Variants in RAB22A observed in about 807,000 individuals in gnomAD.
RAB22A encodes the protein ras-related protein Rab-22A.
RAB22A carries 13 observed loss-of-function variants against 30.2 expected under a neutral mutation model. The observed-to-expected ratio is 0.43, with a 90% CI of 0.28 to 0.68. The LOEUF (loss-of-function observed/expected upper bound fraction) is 0.68. RAB22A is among the 30% of genes least tolerant of loss of function. The pLI, the probability that RAB22A is intolerant of heterozygous loss-of-function variation, is 0.18. For missense variants in RAB22A, 177 were observed against 246.8 expected (o/e 0.72, Z 1.89); for synonymous variants, 89 against 87.2 (o/e 1.02, Z -0.11).
chr20:58,316,796 G>T (rs1261071060), intron 2 of RAB22A, among the ~76,000 whole-genome samples: 1 of 152,122 alleles, frequency 6.6e-6, no homozygotes, highest in African/African-American at 2.4e-5. Flanking sequence ...CAGAGGCTTG[G>T]ATCTCTCCTC....
In RAB22A at chr20:58,365,113, G is replaced by T. The variant is rs1305977866; in HGVS notation, c.*5410G>T. 1 of 152,134 alleles carries T rather than the reference G, an allele frequency of 6.6e-6. No homozygotes were observed. Among genetic ancestry groups the T allele is most frequent in the Non-Finnish European group, 1.5e-5 (1 of 68,038 alleles). 9.4% of individuals were successfully genotyped at this position (152,134 alleles called of 1,614,324 possible). A position where few individuals can be genotyped will look rare whatever the true frequency, so the allele number is the denominator to read the frequency against. On this transcript the variant is annotated 3_prime_UTR_variant, in exon 7 of 7. Transcript: ENST00000244040. ...ATTAATATTATAACAAACAAAACAT[G>T]CCAGTTTTACTGATTCCGCTTTTTG...
intron 5 of RAB22A, 81 bp downstream of exon 5, chr20:58,353,619 C>T: frequency 8.4e-7 from 1 of 1,193,628 alleles, no homozygotes; most frequent in Non-Finnish European, 1.2e-6. Flanking sequence ...AAGAATCTTG[C>T]TTTTATTTTA....
At chr20:58,356,644 A>G (rs944588819) in intron 6 of RAB22A, among the ~76,000 whole-genome samples, 1 of 152,196 alleles carries the variant, frequency 6.6e-6, no homozygotes, top group Non-Finnish European at 1.5e-5. Flanking sequence ...CCTACACCCA[A>G]CGGTAACCAT....
At chr20:58,311,366 TAGAAC>T (rs768558859) in intron 2 of RAB22A, among the ~76,000 whole-genome samples, 2 of 152,164 alleles carry the variant, frequency 1.3e-5, no homozygotes, top group South Asian at 2.1e-4. Context: ...TACTAATTAT[TAGAAC>T]AGACACAGAA....
intron 3 of RAB22A, among the ~76,000 whole-genome samples, chr20:58,352,836 A>G (rs185963141): frequency 3.3e-5 from 5 of 152,374 alleles, no homozygotes; most frequent in Non-Finnish European, 7.3e-5. Context: ...CTGAAGGACA[A>G]TCAGTGTTCA....
chr20:58,326,767 ATGT>A (rs1432036575), intron 2 of RAB22A, among the ~76,000 whole-genome samples: 1 of 152,132 alleles, frequency 6.6e-6, no homozygotes, highest in Non-Finnish European at 1.5e-5. Flanking sequence ...ATACACAATC[ATGT>A]TGTATGAAAA....
chr20:58,348,580 T>G (rs1986990080), intron 3 of RAB22A, among the ~76,000 whole-genome samples: 1 of 152,296 alleles, frequency 6.6e-6, no homozygotes, highest in Non-Finnish European at 1.5e-5. Flanking sequence ...GATCCCATTA[T>G]TAGAATTTGC....
At chr20:58,343,011 C>G (rs558915680) in intron 2 of RAB22A, among the ~76,000 whole-genome samples, 3 of 152,202 alleles carry the variant, frequency 2.0e-5, no homozygotes, top group Non-Finnish European at 4.4e-5. Context: ...TCAGAGTGCC[C>G]TGGGCAGAGT....
At chr20:58,350,629 A>G (rs1183492219) in intron 3 of RAB22A, among the ~76,000 whole-genome samples, 1 of 152,252 alleles carries the variant, frequency 6.6e-6, no homozygotes, top group African/African-American at 2.4e-5. Flanking sequence ...AAGCCAGAGG[A>G]ACAGGATCTT....
chr20:58,318,220 A>G (rs1404062078), intron 2 of RAB22A, among the ~76,000 whole-genome samples: 1 of 152,254 alleles, frequency 6.6e-6, no homozygotes, highest in African/African-American at 2.4e-5. Context: ...TTTGTATCAA[A>G]GCAATGTGTA....
chr20:58,343,812 T>G lies in RAB22A; in HGVS notation c.198+13T>G. On this transcript the variant is annotated intron_variant, in intron 3 of 6. Transcript: ENST00000244040. ...TGGACAAGAACGAGTAAGTCACTCT[T>G]TAATTTACTCTGTTTTTCTGAGGCC... 6.3e-7 allele frequency: 1 copy of G among 1,577,878 alleles called. No homozygotes were observed. Among genetic ancestry groups the G allele is most frequent in the Non-Finnish European group, 8.7e-7 (1 of 1,147,304 alleles).
rs1455893312 is a variant in RAB22A at position 58,365,880 on chromosome 20, G to C, written c.*6177G>C. Reference sequence around the variant, plus strand: ...GGGTTTCACCGTGTTGATCAGGCTGGTCTCGAACTCCTGACCTCACGATCC... The same window carrying C: ...GGGTTTCACCGTGTTGATCAGGCTGCTCTCGAACTCCTGACCTCACGATCC... On this transcript the variant is annotated 3_prime_UTR_variant, in exon 7 of 7. Transcript: ENST00000244040. 1 of 152,208 alleles carries C rather than the reference G, an allele frequency of 6.6e-6. No individual in the cohort carries two copies. The highest frequency in any genetic ancestry group is 2.4e-5 in the African/African-American group (1 of 41,426). The allele number at this position is 152,208 out of a possible 1,614,324, so 9.4% of individuals were successfully genotyped here.
At chr20:58,322,307 G>A (rs1199467910) in intron 2 of RAB22A, among the ~76,000 whole-genome samples, 1 of 152,030 alleles carries the variant, frequency 6.6e-6, no homozygotes, top group African/African-American at 2.4e-5. Flanking sequence ...AGAATTATAG[G>A]CTCTGCTTTT....
At chr20:58,346,981 T>C (rs1176331962) in intron 3 of RAB22A, among the ~76,000 whole-genome samples, 1 of 152,214 alleles carries the variant, frequency 6.6e-6, no homozygotes, top group African/African-American at 2.4e-5. Flanking sequence ...TTGATGCCCA[T>C]AGGTTTATGT....
In RAB22A at chr20:58,363,109, A is replaced by G. The variant is rs759783754; in HGVS notation, c.*3406A>G. ...TAGCTAACTTTCCTGTAACTGTCAA[A>G]CCAAAATGTCAGTATTTTTAGGGCA... On this transcript the variant is annotated 3_prime_UTR_variant, in exon 7 of 7. Transcript: ENST00000244040. 3 of 152,206 alleles carry G rather than the reference A, an allele frequency of 2.0e-5. No individual in the cohort carries two copies. Among genetic ancestry groups the G allele is most frequent in the Admixed American group, 6.5e-5 (1 of 15,274 alleles). 9.4% of individuals were successfully genotyped at this position (152,206 alleles called of 1,614,324 possible).
chr20:58,345,172 C>T (rs1216977865), intron 3 of RAB22A, among the ~76,000 whole-genome samples: 1 of 152,116 alleles, frequency 6.6e-6, no homozygotes, highest in Non-Finnish European at 1.5e-5. Flanking sequence ...TTACCCCTCA[C>T]ATATATTTGA....
At chr20:58,316,541 G>C (rs183103106) in intron 2 of RAB22A, among the ~76,000 whole-genome samples, 2 of 152,260 alleles carry the variant, frequency 1.3e-5, no homozygotes, top group East Asian at 3.9e-4. Context: ...GCTGTAAGAA[G>C]AGGAGGCCCC....
At chr20:58,320,697 T>C (rs1986437042) in intron 2 of RAB22A, among the ~76,000 whole-genome samples, 1 of 152,238 alleles carries the variant, frequency 6.6e-6, no homozygotes, top group Non-Finnish European at 1.5e-5. Context: ...CTTAGAAATA[T>C]ATTTTCTAAT....
intron 6 of RAB22A, among the ~76,000 whole-genome samples, chr20:58,358,471 T>G (rs1391703352): frequency 6.6e-6 from 1 of 152,236 alleles, no homozygotes; most frequent in Non-Finnish European, 1.5e-5. Flanking sequence ...ACTCGTAAGT[T>G]CAGAAAGATG....
Sources: gnomAD v4.1 joint callset for allele counts (sites outside exome capture counted in the v4.1 genomes callset) on GRCh38, gnomAD v4.1.1 for gene constraint, MANE v1.5 for transcripts, NCBI Gene and HGNC (gene_info 2026-07-23, HGNC 2026-07-21) for gene names.